Variants in NRG1 observed in about 807,000 individuals in gnomAD.
NRG1 encodes pro-neuregulin-1, membrane-bound isoform.
Under a neutral mutation model 63.8 loss-of-function variants are expected in NRG1, and 18 were observed. The ratio of observed to expected loss-of-function variants is 0.28; its 90% confidence interval spans 0.19 to 0.42. The LOEUF is 0.42. Among genes scored for constraint, NRG1 ranks in the 10% least tolerant of loss-of-function variants. The pLI, the probability that NRG1 is intolerant of heterozygous loss-of-function variation, is 1.00. For synonymous variants in NRG1, 302 were observed against 301.3 expected, an observed-to-expected ratio of 1.00 and a Z score of -0.02; for missense variants, 762 against 814.7, an observed-to-expected ratio of 0.94 and a Z score of 0.79.
intron 1 of NRG1, among the ~76,000 whole-genome samples, chr8:32,356,842 A>G (rs985626757): frequency 6.6e-6 from 1 of 151,988 alleles, no homozygotes; most frequent in Non-Finnish European, 1.5e-5. Context: ...TGAAGAGACT[A>G]AAACCTTCAC....
intron 1 of NRG1, among the ~76,000 whole-genome samples, chr8:32,087,542 C>T (rs181029646): frequency 8.5e-6 from 1 of 118,188 alleles, no homozygotes; most frequent in African/African-American, 3.2e-5. Context: ...AGTGGAGTGG[C>T]TCACTGCAAC....
At chr8:32,111,037 A>G (rs1032922984) in intron 1 of NRG1, among the ~76,000 whole-genome samples, 4 of 152,134 alleles carry the variant, frequency 2.6e-5, no homozygotes, top group African/African-American at 7.2e-5. Flanking sequence ...TCTCCTAACA[A>G]TAGAAGGTGA....
chr8:32,221,162 AT>A (rs1845775151), intron 1 of NRG1: 1 of 12,712 alleles, frequency 7.9e-5, no homozygotes, highest in Admixed American at 1.5e-3. Context: ...CTATATGCAT[AT>A]ATATATATAT....
chr8:31,834,623 A>G (rs1825527604), intron 1 of NRG1, among the ~76,000 whole-genome samples: 1 of 152,172 alleles, frequency 6.6e-6, no homozygotes, highest in African/African-American at 2.4e-5. Context: ...AGGTGAGAGG[A>G]TTGCTTGAGC....
At chr8:31,951,784 T>C (rs1803505567) in intron 1 of NRG1, among the ~76,000 whole-genome samples, 1 of 152,182 alleles carries the variant, frequency 6.6e-6, no homozygotes, top group Non-Finnish European at 1.5e-5. Context: ...TAGTAGAAAG[T>C]AGAATATACT....
At chr8:31,916,612 C>T (rs1833412292) in intron 1 of NRG1, among the ~76,000 whole-genome samples, 1 of 152,166 alleles carries the variant, frequency 6.6e-6, no homozygotes, top group African/African-American at 2.4e-5. Flanking sequence ...CATTGTTGGA[C>T]ATTTGGGTTG....
chr8:32,436,253 C>A (rs995309468), intron 1 of NRG1, among the ~76,000 whole-genome samples: 1 of 152,076 alleles, frequency 6.6e-6, no homozygotes, highest in Admixed American at 6.6e-5. Context: ...TTCACTACCA[C>A]GAGTATTGTG....
intron 1 of NRG1, among the ~76,000 whole-genome samples, chr8:32,387,104 A>C (rs1037314951): frequency 1.3e-5 from 2 of 152,214 alleles, no homozygotes; most frequent in African/African-American, 4.8e-5. Context: ...TAAAGCTTGA[A>C]CTTAAGTAAC....
chr8:32,517,149 C>T (rs1241959072), intron 1 of NRG1, among the ~76,000 whole-genome samples: 1 of 152,182 alleles, frequency 6.6e-6, no homozygotes, highest in Non-Finnish European at 1.5e-5. Context: ...CCCTGAGAAG[C>T]ATGGTATGGC....
At chr8:31,775,478 A>G (rs1486531407) in intron 1 of NRG1, among the ~76,000 whole-genome samples, 2 of 152,222 alleles carry the variant, frequency 1.3e-5, no homozygotes, top group Non-Finnish European at 2.9e-5. Context: ...GAAAAATTAC[A>G]TAGTATGTAC....
chr8:31,876,264 C>T (rs1038349598), intron 1 of NRG1, among the ~76,000 whole-genome samples: 1 of 152,048 alleles, frequency 6.6e-6, no homozygotes, highest in Admixed American at 6.6e-5. Context: ...TTAGGGTTAC[C>T]CAATATTGTG....
In NRG1 at chr8:32,433,284, T is replaced by C. The variant is rs115156348; in HGVS notation, c.38-162544T>C. On this transcript the variant is annotated intron_variant, in intron 1 of 10. Transcript: ENST00000519301. Reference sequence around the variant, plus strand: ...GCAAGGCTCTAAAGGAAGTTCCAACTCACTTCGACACCCTCCAGTTAGCAA... The same window carrying C: ...GCAAGGCTCTAAAGGAAGTTCCAACCCACTTCGACACCCTCCAGTTAGCAA... 5.3e-3 allele frequency among the ~76,000 whole-genome samples: 800 copies of C among 152,200 alleles called. 4 individuals carry two copies. The highest frequency in any genetic ancestry group is 0.018 in the African/African-American group (757 of 41,526).
At chr8:31,804,021 A>G (rs1442032537) in intron 1 of NRG1, among the ~76,000 whole-genome samples, 1 of 151,958 alleles carries the variant, frequency 6.6e-6, no homozygotes, top group Non-Finnish European at 1.5e-5. Flanking sequence ...CAATCCTTTC[A>G]TTACCCTATT....
At chr8:32,164,094 G>T (rs1477100680) in intron 1 of NRG1, among the ~76,000 whole-genome samples, 1 of 151,810 alleles carries the variant, frequency 6.6e-6, no homozygotes, top group African/African-American at 2.4e-5. Context: ...CTCACCTCCG[G>T]ACCTTTTCAT....
chr8:32,276,756 A>G (rs1852145984), intron 1 of NRG1, among the ~76,000 whole-genome samples: 1 of 152,122 alleles, frequency 6.6e-6, no homozygotes, highest in Non-Finnish European at 1.5e-5. Flanking sequence ...ATAGGATCAG[A>G]CTCATTTTTA....
At chr8:32,756,017 C>T (rs1829612873) in intron 8 of NRG1, among the ~76,000 whole-genome samples, 1 of 152,148 alleles carries the variant, frequency 6.6e-6, no homozygotes, top group Non-Finnish European at 1.5e-5. Flanking sequence ...GCTAAGCTTA[C>T]AGGAATGAGC....
At chr8:31,865,781 T>C (rs1227364641) in intron 1 of NRG1, among the ~76,000 whole-genome samples, 1 of 152,180 alleles carries the variant, frequency 6.6e-6, no homozygotes, top group Non-Finnish European at 1.5e-5. Flanking sequence ...CAGGTATTTC[T>C]TCATAGTAGC....
chr8:31,797,080 C>T (rs1424631108), intron 1 of NRG1, among the ~76,000 whole-genome samples: 2 of 152,304 alleles, frequency 1.3e-5, no homozygotes, highest in East Asian at 3.9e-4. Flanking sequence ...CTAGCTTCTA[C>T]CCCTATTTCT....
At chr8:32,011,000 C>G (rs1814664395) in intron 1 of NRG1, among the ~76,000 whole-genome samples, 1 of 151,976 alleles carries the variant, frequency 6.6e-6, no homozygotes, top group East Asian at 1.9e-4. Context: ...AAAGTAATAT[C>G]AGATTAGTAA....
Sources: gnomAD v4.1 joint callset for allele counts (sites outside exome capture counted in the v4.1 genomes callset) on GRCh38, gnomAD v4.1.1 for gene constraint, MANE v1.5 for transcripts, NCBI Gene and HGNC (gene_info 2026-07-23, HGNC 2026-07-21) for gene names.